The following KANSL1L variants were observed in gnomAD, a reference collection of about 807,000 sequenced individuals.
KANSL1L encodes KAT8 regulatory NSL complex subunit 1 like.
Under a neutral mutation model 108.6 loss-of-function variants are expected in KANSL1L, and 25 were observed. That is an observed-to-expected ratio of 0.23 (90% CI 0.17 to 0.32). The LOEUF is 0.32. Among genes scored for constraint, KANSL1L ranks in the 10% least tolerant of loss-of-function variants. KANSL1L has a pLI of 1.00. For synonymous variants in KANSL1L, 405 were observed against 395.1 expected (o/e 1.03, Z -0.30); for missense variants, 1,137 against 1,125.7 (o/e 1.01, Z -0.14).
chr2:210,165,103 G>A (rs1460943062), intron 1 of KANSL1L, among the ~76,000 whole-genome samples: 4 of 150,426 alleles, frequency 2.7e-5, no homozygotes, highest in Non-Finnish European at 5.9e-5. Context: ...CTGACCTCGT[G>A]ATCTGCCCAC....
At position 210,040,448 on chromosome 2, in the gene KANSL1L, T is replaced by C. The variant is rs1184671571; in HGVS notation, c.2001A>G (p.Val667=). 4 of 1,534,108 alleles carry C rather than the reference T, an allele frequency of 2.6e-6. No individual in the cohort carries two copies. Among genetic ancestry groups the C allele is most frequent in the Non-Finnish European group, 3.6e-6 (4 of 1,110,060 alleles). ...IKGNLAENKF[V]DEYIISPSPV... ...GTGATGGAGATATGATATATTCATCTACAAATTTATTTTCAGCAAGATTGC... is the reference window on the plus strand; with the variant it reads ...GTGATGGAGATATGATATATTCATCCACAAATTTATTTTCAGCAAGATTGC... Residue 667 remains valine (V), a synonymous_variant, in exon 8 of 15, where the codon GTA becomes GTG. Coordinates refer to ENST00000281772, the MANE Select transcript of KANSL1L (RefSeq NM_152519.4).
At chr2:210,082,887 T>C (rs942786494) in intron 5 of KANSL1L, among the ~76,000 whole-genome samples, 2 of 152,196 alleles carry the variant, frequency 1.3e-5, no homozygotes, top group Admixed American at 6.5e-5. Context: ...CATAAAACTA[T>C]ACACAAATGC....
chr2:210,138,828 G>T (rs1290089215), intron 2 of KANSL1L, among the ~76,000 whole-genome samples: 3 of 152,118 alleles, frequency 2.0e-5, no homozygotes, highest in Non-Finnish European at 4.4e-5. Context: ...GCCAGGTGCA[G>T]TGGCTCACAC....
At chr2:210,030,058 G>T (rs572680837) in intron 9 of KANSL1L, 140 bp from the exon 10 acceptor site, 2 of 441,260 alleles carry the variant, frequency 4.5e-6, no homozygotes, top group South Asian at 5.9e-5. Flanking sequence ...AAACAAAAAA[G>T]GAAATGAAAA....
intron 3 of KANSL1L, among the ~76,000 whole-genome samples, chr2:210,115,293 C>T (rs114484536): frequency 0.015 from 2,209 of 151,872 alleles, 62 homozygotes; most frequent in African/African-American, 0.051. Flanking sequence ...AAAAAGGTTA[C>T]GAGAGATAAG....
intron 10 of KANSL1L, 74 bp from the exon 11 acceptor site, chr2:210,029,043 T>C (rs1035966746): frequency 4.6e-5 from 57 of 1,234,888 alleles, no homozygotes; most frequent in East Asian, 1.0e-4. Flanking sequence ...TCATCAGTTA[T>C]GTAAATATGG....
intron 1 of KANSL1L, among the ~76,000 whole-genome samples, chr2:210,163,402 G>A (rs536019872): frequency 8.0e-4 from 122 of 152,228 alleles, no homozygotes; most frequent in African/African-American, 2.8e-3. Flanking sequence ...GACTGGATGT[G>A]GTGGAAGAAA....
chr2:210,065,368 C>T (rs2125292729), intron 6 of KANSL1L, among the ~76,000 whole-genome samples: 1 of 151,166 alleles, frequency 6.6e-6, no homozygotes. Flanking sequence ...CCAGTACTTC[C>T]CCATTCAAAA....
At chr2:210,155,658 A>G (rs2095329087) in intron 1 of KANSL1L, among the ~76,000 whole-genome samples, 1 of 152,246 alleles carries the variant, frequency 6.6e-6, no homozygotes, top group African/African-American at 2.4e-5. Flanking sequence ...ATTGCATATT[A>G]TCAAAAGTAT....
At chr2:210,141,546 TG>T (rs1469698254) in intron 2 of KANSL1L, among the ~76,000 whole-genome samples, 2 of 152,164 alleles carry the variant, frequency 1.3e-5, no homozygotes, top group Non-Finnish European at 1.5e-5. Context: ...CTGAATCCGC[TG>T]ACAACTTGGC....
intron 1 of KANSL1L, among the ~76,000 whole-genome samples, chr2:210,165,718 A>G (rs1687913170): frequency 6.6e-6 from 1 of 152,220 alleles, no homozygotes; most frequent in African/African-American, 2.4e-5. Context: ...TGGGTCTACA[A>G]TTTAATCCAA....
At chr2:210,172,225 A>AT (rs1049170875), upstream of KANSL1L, among the ~76,000 whole-genome samples, 2 of 152,154 alleles carry the variant, frequency 1.3e-5, no homozygotes, top group Non-Finnish European at 2.9e-5. Context: ...CAAGAACTCG[A>AT]TTTTTTTAAA....
intron 4 of KANSL1L, among the ~76,000 whole-genome samples, chr2:210,101,882 AG>A (rs1162581923): frequency 1.3e-5 from 2 of 152,224 alleles, no homozygotes; most frequent in Non-Finnish European, 2.9e-5. Context: ...AGAAAAACTC[AG>A]GAAAATTAGA....
At chr2:210,030,549 G>T (rs1254468393) in intron 9 of KANSL1L, among the ~76,000 whole-genome samples, 5 of 143,510 alleles carry the variant, frequency 3.5e-5, no homozygotes, top group Admixed American at 2.9e-4. Context: ...GTGTGTGTGT[G>T]TGTGTAGTAA....
chr2:210,035,430 C>T (rs1268332409), intron 8 of KANSL1L, among the ~76,000 whole-genome samples: 2 of 152,130 alleles, frequency 1.3e-5, no homozygotes, highest in East Asian at 3.9e-4. Flanking sequence ...CTGTCTACTG[C>T]CTTCACACAA....
intron 4 of KANSL1L, 29 bp downstream of exon 4, chr2:210,104,075 T>C (rs770574542): frequency 1.3e-6 from 2 of 1,534,416 alleles, no homozygotes; most frequent in Admixed American, 1.7e-5. Flanking sequence ...AGTCATTTCA[T>C]ACCACTGATA....
intron 6 of KANSL1L, among the ~76,000 whole-genome samples, chr2:210,066,248 A>C (rs1342120798): frequency 6.6e-6 from 1 of 152,196 alleles, no homozygotes; most frequent in Non-Finnish European, 1.5e-5. Context: ...AGCCCATCCA[A>C]GCATCCAGAT....
intron 2 of KANSL1L, among the ~76,000 whole-genome samples, chr2:210,143,232 A>AT (rs1454866567): frequency 1.3e-5 from 2 of 151,408 alleles, no homozygotes; most frequent in Admixed American, 6.6e-5. Flanking sequence ...CCTAAAGTGC[A>AT]TTTTTTTTCT....
At chr2:210,110,143 C>A (rs2094890098) in intron 3 of KANSL1L, among the ~76,000 whole-genome samples, 1 of 151,798 alleles carries the variant, frequency 6.6e-6, no homozygotes, top group Non-Finnish European at 1.5e-5. Flanking sequence ...AACCCCTATA[C>A]CTACCTACAT....
Sources: gnomAD v4.1 joint callset for allele counts (sites outside exome capture counted in the v4.1 genomes callset) on GRCh38, gnomAD v4.1.1 for gene constraint, MANE v1.5 for transcripts, NCBI Gene and HGNC (gene_info 2026-07-23, HGNC 2026-07-21) for gene names.